Variants in RPS6KC1 observed in about 807,000 individuals in gnomAD.
RPS6KC1 encodes the protein inactive ribosomal protein S6 kinase delta-1.
RPS6KC1 carries 54 observed loss-of-function variants against 103.8 expected under a neutral mutation model. That is an observed-to-expected ratio of 0.52 (90% CI 0.42 to 0.65). The LOEUF (loss-of-function observed/expected upper bound fraction) is 0.65, where lower values mean the gene tolerates loss of function less well. Among genes scored for constraint, RPS6KC1 ranks in the 30% least tolerant of loss-of-function variants. RPS6KC1 has a pLI of 0.00. For missense variants in RPS6KC1, 1,151 were observed against 1,253.8 expected (o/e 0.92, Z 1.24); for synonymous variants, 439 against 438.7 (o/e 1.00, Z -0.01).
At chr1:213,477,848 T>A in the RPS6KC1 span, among the ~76,000 whole-genome samples, 1 of 152,216 alleles carries the variant, frequency 6.6e-6, no homozygotes, top group Non-Finnish European at 1.5e-5. Flanking sequence ...GATACATGTT[T>A]TATAATCAAT....
the RPS6KC1 span, among the ~76,000 whole-genome samples, chr1:213,629,651 G>A: frequency 0.035 from 5,352 of 152,014 alleles, 119 homozygotes; most frequent in Non-Finnish European, 0.054. Flanking sequence ...TATTTTGCTC[G>A]TTAGTTGATG....
intron 13 of RPS6KC1, 41 bp downstream of exon 13, chr1:213,261,681 C>G (rs2094801090): frequency 6.6e-7 from 1 of 1,512,218 alleles, no homozygotes; most frequent in Admixed American, 1.7e-5. Flanking sequence ...TACTCAGATG[C>G]TACCTTGATT....
At chr1:213,260,632 A>G (rs2094764974) in intron 12 of RPS6KC1, among the ~76,000 whole-genome samples, 1 of 151,716 alleles carries the variant, frequency 6.6e-6, no homozygotes, top group South Asian at 2.1e-4. Context: ...GGTTACCTAT[A>G]GTCAAATAGT....
the RPS6KC1 span, among the ~76,000 whole-genome samples, chr1:213,859,251 G>C: frequency 6.6e-6 from 1 of 152,204 alleles, no homozygotes; most frequent in Non-Finnish European, 1.5e-5. Context: ...GCAATGTATT[G>C]TGATTTGGAG....
the RPS6KC1 span, among the ~76,000 whole-genome samples, chr1:213,620,361 G>T: frequency 6.6e-6 from 1 of 152,220 alleles, no homozygotes; most frequent in African/African-American, 2.4e-5. Context: ...TGGTGGAGGG[G>T]CTGGAAGCCT....
intron 8 of RPS6KC1, among the ~76,000 whole-genome samples, chr1:213,183,274 A>G (rs898189144): frequency 2.0e-5 from 3 of 152,152 alleles, no homozygotes; most frequent in African/African-American, 7.2e-5. Flanking sequence ...AAAATCAGCA[A>G]CAATACAGAA....
At chr1:213,631,913 C>T in the RPS6KC1 span, among the ~76,000 whole-genome samples, 3 of 152,134 alleles carry the variant, frequency 2.0e-5, no homozygotes, top group African/African-American at 7.2e-5. Flanking sequence ...TTGGGACTCT[C>T]TCTCCCCTTT....
At chr1:213,771,608 T>C in the RPS6KC1 span, among the ~76,000 whole-genome samples, 2 of 152,254 alleles carry the variant, frequency 1.3e-5, no homozygotes, top group African/African-American at 2.4e-5. Flanking sequence ...TATTGTTTCA[T>C]GTTAAGAAAG....
the RPS6KC1 span, among the ~76,000 whole-genome samples, chr1:213,760,196 A>G: frequency 6.6e-6 from 1 of 152,222 alleles, no homozygotes; most frequent in Middle Eastern, 3.2e-3. Context: ...TAGAGTTTCT[A>G]ATATTTAATA....
At chr1:213,365,431 C>T in the RPS6KC1 span, among the ~76,000 whole-genome samples, 1 of 152,218 alleles carries the variant, frequency 6.6e-6, no homozygotes, top group Non-Finnish European at 1.5e-5. Context: ...TTACACTGCT[C>T]TTTTCCATAA....
At chr1:213,444,313 A>G in the RPS6KC1 span, among the ~76,000 whole-genome samples, 52 of 152,170 alleles carry the variant, frequency 3.4e-4, no homozygotes, top group African/African-American at 1.2e-3. Context: ...GGATTCCAGC[A>G]TGTTTGTGGC....
the RPS6KC1 span, among the ~76,000 whole-genome samples, chr1:213,401,873 A>G: frequency 6.6e-6 from 1 of 151,994 alleles, no homozygotes; most frequent in South Asian, 2.1e-4. Flanking sequence ...TGCAGCCTCT[A>G]TCTCCTGGGC....
the RPS6KC1 span, among the ~76,000 whole-genome samples, chr1:213,357,041 C>T: frequency 6.6e-6 from 1 of 152,186 alleles, no homozygotes; most frequent in African/African-American, 2.4e-5. Context: ...GGGCCAGGAC[C>T]AGGGGCTGGG....
At chr1:213,724,676 G>A in the RPS6KC1 span, among the ~76,000 whole-genome samples, 1 of 152,136 alleles carries the variant, frequency 6.6e-6, no homozygotes, top group South Asian at 2.1e-4. Flanking sequence ...AAGGTGGGAA[G>A]ATCACTTGAG....
intron 8 of RPS6KC1, among the ~76,000 whole-genome samples, chr1:213,222,826 G>A (rs2148797301): frequency 6.6e-6 from 1 of 152,274 alleles, no homozygotes; most frequent in Non-Finnish European, 1.5e-5. Flanking sequence ...GGAAAGCAAA[G>A]TTTTAATGCT....
chr1:213,319,238 G>A, the RPS6KC1 span, among the ~76,000 whole-genome samples: 5 of 151,418 alleles, frequency 3.3e-5, no homozygotes, highest in Admixed American at 6.6e-5. Flanking sequence ...GCTTGAACCC[G>A]GGAGGTGGAG....
At chr1:213,084,235 T>G (rs2080175119) in intron 3 of RPS6KC1, among the ~76,000 whole-genome samples, 1 of 152,146 alleles carries the variant, frequency 6.6e-6, no homozygotes, top group South Asian at 2.1e-4. Context: ...TAATTTTACA[T>G]TATTTTAAGT....
chr1:213,835,010 G>A, the RPS6KC1 span, among the ~76,000 whole-genome samples: 1 of 152,146 alleles, frequency 6.6e-6, no homozygotes, highest in Admixed American at 6.5e-5. Context: ...ACACTATAAA[G>A]CCTATTAAAA....
chr1:213,840,733 G>A, the RPS6KC1 span: 1 of 152,080 alleles, frequency 6.6e-6, no homozygotes, highest in Non-Finnish European at 1.5e-5. Context: ...TCTCCCCTGA[G>A]TCAGTGTGGC....
Sources: allele counts gnomAD v4.1 joint callset (sites outside exome capture counted in the v4.1 genomes callset), GRCh38; gene constraint gnomAD v4.1.1; transcripts MANE v1.5; gene names NCBI Gene and HGNC (gene_info 2026-07-23, HGNC 2026-07-21).